The following RASA1 variants were observed in gnomAD, a reference collection of about 807,000 sequenced individuals.
The protein encoded by RASA1 is RAS p21 protein activator 1, also known as ras GTPase-activating protein 1.
Under a neutral mutation model 132.2 loss-of-function variants are expected in RASA1, and 25 were observed. That is an observed-to-expected ratio of 0.19 (90% CI 0.14 to 0.26). The LOEUF (loss-of-function observed/expected upper bound fraction) is 0.26, where lower values mean the gene tolerates loss of function less well. Among genes scored for constraint, RASA1 ranks in the 10% least tolerant of loss-of-function variants. RASA1 has a pLI of 1.00. For synonymous variants in RASA1, 477 were observed against 449.9 expected, an observed-to-expected ratio of 1.06 and a Z score of -0.76; for missense variants, 964 against 1,299.2, an observed-to-expected ratio of 0.74 and a Z score of 3.97.
chr5:87,273,913 G>A (rs1393431360), intron 1 of RASA1, among the ~76,000 whole-genome samples: 1 of 152,138 alleles, frequency 6.6e-6, no homozygotes, highest in Non-Finnish European at 1.5e-5. Flanking sequence ...GGCCAGGCTG[G>A]TCTCGAACTC....
intron 1 of RASA1, among the ~76,000 whole-genome samples, chr5:87,271,415 G>A (rs1335132918): frequency 7.1e-6 from 1 of 141,126 alleles, no homozygotes; most frequent in Admixed American, 7.1e-5. Context: ...GTATATTTAG[G>A]ATATTGTAGT....
chr5:87,346,844 C>T (rs1005280406), intron 7 of RASA1, 120 bp downstream of exon 7: 7 of 691,778 alleles, frequency 1.0e-5, no homozygotes, highest in African/African-American at 3.6e-5. Context: ...GTTATAATTT[C>T]GTGTCCAGTA....
chr5:87,285,865 T>G (rs963857838), intron 1 of RASA1, among the ~76,000 whole-genome samples: 15 of 151,814 alleles, frequency 9.9e-5, no homozygotes, highest in South Asian at 2.1e-4. Context: ...GTAATCTGCC[T>G]GCCTCAGCCT....
In RASA1 at chr5:87,349,460, TAACTTCTAA is replaced by T. The variant is rs898498049; in HGVS notation, c.1253+99_1253+107del. The T allele has an allele frequency of 9.3e-6, 13 of 1,397,652 alleles. No homozygotes were observed. In the Admixed American group the frequency reaches 1.5e-4, roughly 16 times the overall value. 86.6% of individuals were successfully genotyped at this position (1,397,652 alleles called of 1,614,324 possible). ...AGAGTCAAAATTATATAAAAGTTTC[TAACTTCTAA>T]AAATTATAAGACCTTCAATATAATT... On this transcript the variant is annotated intron_variant, in intron 8 of 24. Coordinates refer to ENST00000274376, the MANE Select transcript of RASA1 (RefSeq NM_002890.3).
At chr5:87,274,143 C>T (rs1385181262) in intron 1 of RASA1, among the ~76,000 whole-genome samples, 2 of 152,170 alleles carry the variant, frequency 1.3e-5, no homozygotes, top group Non-Finnish European at 2.9e-5. Flanking sequence ...GTACTGAGGT[C>T]TCCATTTGCA....
chr5:87,298,488 G>A lies in RASA1; in HGVS notation c.539+29498G>A, dbSNP rs147082331. On this transcript the variant is annotated intron_variant, in intron 1 of 24. Coordinates refer to ENST00000274376, the MANE Select transcript of RASA1 (RefSeq NM_002890.3). ...GGCAGCAGCTTAAAGCCTGTTTAAA[G>A]GTTACAAGTTTTAAAGGGGTTAAAA... is the stretch of plus-strand genomic sequence containing the variant. 7.6e-3 allele frequency among the ~76,000 whole-genome samples: 1,151 copies of A among 152,068 alleles called. 17 individuals are homozygous for A. Among genetic ancestry groups the A allele is most frequent in the African/African-American group, 0.027 (1,113 of 41,484 alleles).
At chr5:87,290,309 A>C (rs1396072054) in intron 1 of RASA1, among the ~76,000 whole-genome samples, 3 of 152,184 alleles carry the variant, frequency 2.0e-5, no homozygotes, top group African/African-American at 7.2e-5. Context: ...TAGGCACAAA[A>C]ATTTTATTTC....
In RASA1 at chr5:87,333,352, A is replaced by C; in HGVS notation, c.899+15A>C. The stretch of plus-strand genomic sequence containing the variant: ...GATGAAATAAGGTATTTTATAATCT[A>C]TTCTCATGTATAGGCATTTGAAAGA... On this transcript the variant is annotated intron_variant, in intron 4 of 24. Coordinates refer to ENST00000274376, the MANE Select transcript of RASA1 (RefSeq NM_002890.3). 2 of 1,612,432 alleles carry C rather than the reference A, an allele frequency of 1.2e-6. No homozygotes were observed. The highest frequency in any genetic ancestry group is 1.3e-5 in the African/African-American group (1 of 74,966).
In RASA1 at chr5:87,338,536, A is replaced by ATTTT. The variant is rs1232583853; in HGVS notation, c.1017+456_1017+459dup. 9.2e-3 allele frequency among the ~76,000 whole-genome samples: 784 copies of ATTTT among 85,154 alleles called. 32 individuals carry two copies. Among genetic ancestry groups the ATTTT allele is most frequent in the South Asian group, 0.011 (29 of 2,554 alleles). 55.9% of individuals were successfully genotyped at this position (85,154 alleles called of 152,430 possible). A position where few individuals can be genotyped will look rare whatever the true frequency, so the allele number is the denominator to read the frequency against. ...ATATATATATATATATATATATAAA[A>ATTTT]TTTTTTTTTTTTTTAAGTAGAAATG... On this transcript the variant is annotated intron_variant, in intron 5 of 24. Transcript: ENST00000274376.
rs1030827217 is a variant in RASA1, at chr5:87,376,439, A to C, written c.2058A>C (p.Thr686=). The C allele has an allele frequency of 6.2e-7, 1 of 1,613,936 alleles. No individual in the cohort carries two copies. Among genetic ancestry groups the C allele is most frequent in the Non-Finnish European group, 8.5e-7 (1 of 1,180,002 alleles). ...GCCGATTACAGAAAGGGCATGCCAC[A>C]GATGAATGGTTTCTGCTCAGCTCCC... is the stretch of plus-strand genomic sequence containing the variant. ...QLSRLQKGHA[T]DEWFLLSSHI... is the part of the protein sequence containing the mutation. Residue 686 remains threonine (T), a synonymous_variant, in exon 16 of 25, where the codon ACA becomes ACC. Coordinates refer to ENST00000274376, the MANE Select transcript of RASA1 (RefSeq NM_002890.3).
At chr5:87,353,459 C>T (rs1408211112) in intron 9 of RASA1, among the ~76,000 whole-genome samples, 4 of 151,688 alleles carry the variant, frequency 2.6e-5, no homozygotes, top group East Asian at 3.9e-4. Context: ...TAGAAGCAGT[C>T]GTGGAGGAAG....
intron 13 of RASA1, among the ~76,000 whole-genome samples, chr5:87,372,560 T>A (rs1040110579): frequency 6.6e-6 from 1 of 152,184 alleles, no homozygotes; most frequent in East Asian, 1.9e-4. Flanking sequence ...TAAACTTTTT[T>A]GGGATTTTCA....
chr5:87,302,819 C>G (rs1561266631), intron 1 of RASA1, among the ~76,000 whole-genome samples: 1 of 151,776 alleles, frequency 6.6e-6, no homozygotes, highest in Non-Finnish European at 1.5e-5. Flanking sequence ...TTATTTCTGA[C>G]TTTTTCAGCT....
intron 1 of RASA1, among the ~76,000 whole-genome samples, chr5:87,282,085 A>G (rs78832589): frequency 0.032 from 4,831 of 151,978 alleles, 161 homozygotes; most frequent in African/African-American, 0.074. Context: ...TTTGTTGCCT[A>G]TAAGTTTTAT....
chr5:87,358,110 ATC>A (rs1759792006), intron 9 of RASA1, among the ~76,000 whole-genome samples: 1 of 152,158 alleles, frequency 6.6e-6, no homozygotes, highest in African/African-American at 2.4e-5. Flanking sequence ...AAATCACCTC[ATC>A]TTCCAATGAG....
chr5:87,383,667 T>C, intron 20 of RASA1, 46 bp from the exon 21 acceptor site: 1 of 1,379,714 alleles, frequency 7.2e-7, no homozygotes, highest in Non-Finnish European at 1.0e-6. Flanking sequence ...ACACATTATA[T>C]AGGTGTTTTC....
chr5:87,374,756 G>C (rs757736832), intron 14 of RASA1, 84 bp from the exon 15 acceptor site: 12 of 1,557,132 alleles, frequency 7.7e-6, no homozygotes, highest in Non-Finnish European at 1.0e-5. Context: ...AGAAATAGGG[G>C]GTTTATTTGA....
intron 20 of RASA1, 51 bp from the exon 21 acceptor site, chr5:87,383,662 T>G: frequency 7.4e-7 from 1 of 1,347,498 alleles, no homozygotes; most frequent in Non-Finnish European, 1.0e-6. Context: ...ATGTAACACA[T>G]TATATAGGTG....
intron 1 of RASA1, chr5:87,269,315 CGG>C (rs753768442): frequency 4.0e-4 from 619 of 1,535,352 alleles, no homozygotes; most frequent in East Asian, 3.3e-3. Context: ...AGTCAAACTG[CGG>C]CTACCAAGGC....
Sources: allele counts gnomAD v4.1 joint callset (sites outside exome capture counted in the v4.1 genomes callset), GRCh38; gene constraint gnomAD v4.1.1; transcripts MANE v1.5; gene names NCBI Gene and HGNC (gene_info 2026-07-23, HGNC 2026-07-21).